The following LARP1B variants were observed in gnomAD, a reference collection of about 807,000 sequenced individuals.
LARP1B encodes the protein La ribonucleoprotein 1B, also known as la-related protein 1B.
In LARP1B, 76 loss-of-function variants were observed where a neutral mutation model predicts 114.2. That is an observed-to-expected ratio of 0.67 (90% CI 0.55 to 0.81). The LOEUF is 0.81. LARP1B is among the 30% of genes least tolerant of loss of function. The pLI is 0.00. For synonymous variants in LARP1B, 345 were observed against 348.0 expected (o/e 0.99, Z 0.10); for missense variants, 1,014 against 1,075.8 (o/e 0.94, Z 0.80).
At chr4:128,080,525 A>G (rs1769919683) in intron 4 of LARP1B, among the ~76,000 whole-genome samples, 1 of 152,194 alleles carries the variant, frequency 6.6e-6, no homozygotes, top group Non-Finnish European at 1.5e-5. Context: ...TGCAGGATTT[A>G]TAGGATATCA....
intron 4 of LARP1B, among the ~76,000 whole-genome samples, chr4:128,080,960 A>G (rs916809916): frequency 2.6e-5 from 4 of 152,160 alleles, no homozygotes; most frequent in East Asian, 3.8e-4. Context: ...CAAAGTATAC[A>G]TTATAGCGTT....
chr4:128,219,567 T>G (rs1759819911), intron 6 of LARP1B, among the ~76,000 whole-genome samples: 1 of 109,984 alleles, frequency 9.1e-6, no homozygotes, highest in Non-Finnish European at 1.8e-5. Flanking sequence ...ACACCGCATA[T>G]TCTCACTCAT....
intron 1 of LARP1B, among the ~76,000 whole-genome samples, chr4:128,065,255 TTCTTTCTTTCTTTCTTTC>T (rs1561009861): frequency 8.3e-4 from 48 of 57,542 alleles, no homozygotes; most frequent in African/African-American, 2.3e-3. Context: ...CACAATTAAT[TTCTTTCTTTCTTTCTTTC>T]TTTCTTTCTT....
intron 11 of LARP1B, among the ~76,000 whole-genome samples, chr4:128,160,399 C>T (rs745799337): frequency 1.3e-5 from 2 of 152,128 alleles, no homozygotes; most frequent in Non-Finnish European, 2.9e-5. Flanking sequence ...AGAGGAGATC[C>T]TGACCAGAAG....
At chr4:128,213,211 G>A (rs888045280), downstream of LARP1B, among the ~76,000 whole-genome samples, 2 of 151,904 alleles carry the variant, frequency 1.3e-5, no homozygotes, top group Admixed American at 6.6e-5. Flanking sequence ...ACTGCGCCTG[G>A]CCACTAAATC....
At chr4:128,186,063 T>C (rs1750233726) in intron 15 of LARP1B, among the ~76,000 whole-genome samples, 1 of 152,232 alleles carries the variant, frequency 6.6e-6, no homozygotes, top group African/African-American at 2.4e-5. Context: ...AGTACCATGC[T>C]ACCTTGGTTA....
chr4:128,099,290 C>CT (rs368079786), intron 8 of LARP1B, among the ~76,000 whole-genome samples: 8,673 of 137,110 alleles, frequency 0.063, 298 homozygotes, highest in East Asian at 0.1. Flanking sequence ...TTTTTTCTTT[C>CT]TTTTTTTTTT....
chr4:128,108,086 C>T (rs1782719532), intron 9 of LARP1B: 1 of 1,400,706 alleles, frequency 7.1e-7, no homozygotes, highest in Admixed American at 3.2e-5. Context: ...GAGATAACCA[C>T]CTTTGCGATA....
Position 128,181,828 on chromosome 4 carries a change from C to T in LARP1B, c.2003+2316C>T, listed in dbSNP as rs562521858. Among the ~76,000 whole-genome samples the T allele has an allele frequency of 5.9e-3, 654 of 110,230 alleles. 7 individuals carry two copies. Among genetic ancestry groups the T allele is most frequent in the African/African-American group, 0.021 (610 of 28,882 alleles). 72.3% of individuals were successfully genotyped at this position (110,230 alleles called of 152,430 possible). A position where few individuals can be genotyped will look rare whatever the true frequency, so the allele number is the denominator to read the frequency against. On this transcript the variant is annotated intron_variant, in intron 15 of 19. Coordinates refer to ENST00000326639, the MANE Select transcript of LARP1B (RefSeq NM_018078.4). Reference sequence around the variant, plus strand: ...TTTTTTTTTTTTTTTTTTTTTGAGACGAAGTCTCGCTCTGTCGCCCAGGCT... The same window carrying T: ...TTTTTTTTTTTTTTTTTTTTTGAGATGAAGTCTCGCTCTGTCGCCCAGGCT...
chr4:128,078,494 G>A (rs900181677), intron 4 of LARP1B, among the ~76,000 whole-genome samples: 1 of 151,768 alleles, frequency 6.6e-6, no homozygotes, highest in Non-Finnish European at 1.5e-5. Context: ...CCAGCTACTC[G>A]GGAGGCTGAG....
chr4:128,140,721 G>A (rs1727621801), intron 11 of LARP1B, among the ~76,000 whole-genome samples: 1 of 152,046 alleles, frequency 6.6e-6, no homozygotes, highest in South Asian at 2.1e-4. Context: ...ATTAAAGGGG[G>A]ATGGGTAGTA....
At chr4:128,091,298 A>AT (rs1222272241) in intron 6 of LARP1B, 49 bp from the exon 7 acceptor site, 4 of 1,542,582 alleles carry the variant, frequency 2.6e-6, no homozygotes, top group Non-Finnish European at 3.5e-6. Flanking sequence ...CGTAGTAACT[A>AT]TTTTTTTCTA....
intron 12 of LARP1B, among the ~76,000 whole-genome samples, chr4:128,164,210 T>A (rs1333044793): frequency 2.0e-5 from 3 of 152,184 alleles, no homozygotes; most frequent in South Asian, 2.1e-4. Flanking sequence ...AATAATAATA[T>A]TATAAATACT....
chr4:128,074,794 T>C, intron 2 of LARP1B, 140 bp from the exon 3 acceptor site: 1 of 586,240 alleles, frequency 1.7e-6, no homozygotes, highest in South Asian at 2.7e-5. Context: ...CAGAAACTTT[T>C]TGATTAATTT....
At chr4:128,217,578 T>C (rs1759612186) in intron 6 of LARP1B, among the ~76,000 whole-genome samples, 1 of 40,876 alleles carries the variant, frequency 2.4e-5, no homozygotes, top group African/African-American at 1.0e-4. Flanking sequence ...AAAAAGCCTT[T>C]GACAAAATTC....
At chr4:128,084,636 G>A (rs565443164) in intron 5 of LARP1B, among the ~76,000 whole-genome samples, 2 of 151,652 alleles carry the variant, frequency 1.3e-5, no homozygotes, top group Admixed American at 6.6e-5. Flanking sequence ...AGAGGGGAGG[G>A]GGAGAGGGAG....
intron 5 of LARP1B, among the ~76,000 whole-genome samples, chr4:128,086,057 A>G (rs1281167570): frequency 1.6e-5 from 2 of 124,780 alleles, no homozygotes; most frequent in African/African-American, 6.3e-5. Flanking sequence ...TCTGTCGCCC[A>G]GGCTGGAGTG....
At chr4:128,116,321 A>C (rs73848730) in intron 10 of LARP1B, among the ~76,000 whole-genome samples, 3,031 of 152,294 alleles carry the variant, frequency 0.02, 113 homozygotes, top group African/African-American at 0.069. Flanking sequence ...ATGTTGTAGT[A>C]TATTTTTGTG....
chr4:128,110,860 T>G (rs191188746), intron 9 of LARP1B, among the ~76,000 whole-genome samples: 2 of 151,898 alleles, frequency 1.3e-5, no homozygotes, highest in Admixed American at 1.3e-4. Context: ...TGAAATACTT[T>G]ACTTCCCAGT....
Sources: gnomAD v4.1 joint callset for allele counts (sites outside exome capture counted in the v4.1 genomes callset) on GRCh38, gnomAD v4.1.1 for gene constraint, MANE v1.5 for transcripts, NCBI Gene and HGNC (gene_info 2026-07-23, HGNC 2026-07-21) for gene names.